Variants in AK5 observed in about 807,000 individuals in gnomAD.
AK5 encodes adenylate kinase isoenzyme 5.
A neutral mutation model predicts 69.5 loss-of-function variants in AK5; 27 were observed. That is an observed-to-expected ratio of 0.39 (90% CI 0.29 to 0.54). The LOEUF (loss-of-function observed/expected upper bound fraction) is 0.54, where lower values mean the gene tolerates loss of function less well. Ranked by LOEUF, AK5 falls within the 20% of genes least tolerant of loss-of-function variation. The pLI is 0.71. For synonymous variants in AK5, 260 were observed against 244.4 expected (o/e 1.06, Z -0.60); for missense variants, 531 against 700.4 (o/e 0.76, Z 2.73).
At chr1:77,528,021 T>G (rs1019288862) in intron 12 of AK5, among the ~76,000 whole-genome samples, 7 of 152,188 alleles carry the variant, frequency 4.6e-5, no homozygotes, top group Non-Finnish European at 7.3e-5. Context: ...ATCGCACCAC[T>G]GCATTCCAGC....
At chr1:77,458,449 G>T (rs554355851) in intron 8 of AK5, among the ~76,000 whole-genome samples, 3 of 152,184 alleles carry the variant, frequency 2.0e-5, no homozygotes, top group South Asian at 4.2e-4. Context: ...AAGTGTATTC[G>T]TCCATTTTCA....
intron 8 of AK5, among the ~76,000 whole-genome samples, chr1:77,426,516 G>C (rs967278492): frequency 6.6e-5 from 10 of 152,274 alleles, no homozygotes; most frequent in Admixed American, 5.9e-4. Context: ...AGAAATAAGT[G>C]AATTCACTAT....
rs141235715 is a variant in AK5 at position 77,483,216 on chromosome 1, CCTCT to C, written c.1060-100_1060-97del. ...TCATAAAATTGTTTGGAGGTGCCTC[CCTCT>C]TACAGTTGTTAGGAAGTTCAAGTAG... On this transcript the variant is annotated intron_variant, in intron 8 of 13. Transcript: ENST00000354567. 2.6e-4 allele frequency: 212 copies of C among 802,210 alleles called. No individual in the cohort carries two copies. The African/African-American group carries it at 3.3e-3, about 13-fold the overall frequency. 49.7% of individuals were successfully genotyped at this position (802,210 alleles called of 1,614,324 possible).
intron 5 of AK5, among the ~76,000 whole-genome samples, chr1:77,333,550 C>CA (rs1164644008): frequency 2.7e-5 from 4 of 148,002 alleles, no homozygotes; most frequent in African/African-American, 9.9e-5. Flanking sequence ...AATCTCCCCC[C>CA]CACCATGCTA....
intron 6 of AK5, among the ~76,000 whole-genome samples, chr1:77,362,875 G>C (rs189792790): frequency 6.0e-4 from 92 of 152,182 alleles, no homozygotes; most frequent in African/African-American, 2.1e-3. Flanking sequence ...CATACCCTTT[G>C]ACCCAATAAT....
At chr1:77,302,442 G>A (rs1659396748) in intron 5 of AK5, among the ~76,000 whole-genome samples, 1 of 152,058 alleles carries the variant, frequency 6.6e-6, no homozygotes, top group Non-Finnish European at 1.5e-5. Context: ...GAGGGTACAA[G>A]TGCAGTTTCA....
At chr1:77,530,958 T>C (rs1232555883) in intron 12 of AK5, among the ~76,000 whole-genome samples, 5 of 152,158 alleles carry the variant, frequency 3.3e-5, no homozygotes, top group Admixed American at 3.3e-4. Flanking sequence ...ACAATGCTCA[T>C]GTCCTTGTGC....
chr1:77,355,382 T>A (rs914898430), intron 6 of AK5, among the ~76,000 whole-genome samples: 1 of 152,236 alleles, frequency 6.6e-6, no homozygotes, highest in African/African-American at 2.4e-5. Context: ...CCACTTCATA[T>A]TCTGTGAAAT....
chr1:77,428,043 G>A (rs1159138469), intron 8 of AK5, among the ~76,000 whole-genome samples: 1 of 152,110 alleles, frequency 6.6e-6, no homozygotes, highest in Non-Finnish European at 1.5e-5. Context: ...CTCCAACAGG[G>A]GAGGTCACAT....
At chr1:77,518,759 C>T (rs923073355) in intron 11 of AK5, 32 bp downstream of exon 11, 5 of 1,607,400 alleles carry the variant, frequency 3.1e-6, no homozygotes, top group Admixed American at 1.7e-5. Flanking sequence ...ACATTACTGC[C>T]TTTCCTGTCT....
At chr1:77,386,829 C>G (rs1265475216) in intron 6 of AK5, among the ~76,000 whole-genome samples, 18 of 152,014 alleles carry the variant, frequency 1.2e-4, no homozygotes, top group Non-Finnish European at 1.5e-5. Context: ...TCTCTTCATC[C>G]TCCCCTCTCC....
chr1:77,405,100 C>A (rs1486901056), intron 6 of AK5, among the ~76,000 whole-genome samples: 1 of 152,050 alleles, frequency 6.6e-6, no homozygotes, highest in Non-Finnish European at 1.5e-5. Context: ...CAGAAGCAAT[C>A]AAAAATATAT....
At chr1:77,436,269 A>T (rs1256042651) in intron 8 of AK5, among the ~76,000 whole-genome samples, 1 of 152,054 alleles carries the variant, frequency 6.6e-6, no homozygotes, top group African/African-American at 2.4e-5. Context: ...ACATATTTTT[A>T]TCCCTTTCTT....
chr1:77,411,747 G>A (rs1367676053), intron 7 of AK5, among the ~76,000 whole-genome samples: 1 of 151,982 alleles, frequency 6.6e-6, no homozygotes, highest in Non-Finnish European at 1.5e-5. Context: ...GATCTCAAAG[G>A]GTAAAGACCA....
At chr1:77,411,165 G>GC in intron 7 of AK5, 94 bp downstream of exon 7, 1 of 1,034,180 alleles carries the variant, frequency 9.7e-7, no homozygotes. Context: ...ACAAACTGCT[G>GC]CAAGTTTTGA....
At chr1:77,436,520 A>G (rs558251342) in intron 8 of AK5, among the ~76,000 whole-genome samples, 3 of 151,878 alleles carry the variant, frequency 2.0e-5, no homozygotes, top group East Asian at 3.9e-4. Flanking sequence ...TTGTTTTTCT[A>G]TAAAATTTAA....
At chr1:77,312,627 A>C (rs1660026564) in intron 5 of AK5, among the ~76,000 whole-genome samples, 2 of 151,928 alleles carry the variant, frequency 1.3e-5, no homozygotes, top group Non-Finnish European at 1.5e-5. Flanking sequence ...AAAAAAAAAA[A>C]AACAAAAAGT....
At chr1:77,554,051 A>G (rs1480332926) in intron 13 of AK5, among the ~76,000 whole-genome samples, 5 of 152,244 alleles carry the variant, frequency 3.3e-5, no homozygotes, top group Non-Finnish European at 7.3e-5. Flanking sequence ...AACCAGTCAC[A>G]AAAGACCATA....
chr1:77,423,087 G>A (rs1044485301), intron 8 of AK5, among the ~76,000 whole-genome samples: 3 of 151,990 alleles, frequency 2.0e-5, no homozygotes. Flanking sequence ...CGGGCGTGGT[G>A]GTGGGCACCT....
Sources: gnomAD v4.1 joint callset for allele counts (sites outside exome capture counted in the v4.1 genomes callset) on GRCh38, gnomAD v4.1.1 for gene constraint, MANE v1.5 for transcripts, NCBI Gene and HGNC (gene_info 2026-07-23, HGNC 2026-07-21) for gene names.